Variants in CNTNAP2 observed in about 807,000 individuals in gnomAD.
CNTNAP2 encodes contactin associated protein 2, also known as contactin-associated protein-like 2.
A neutral mutation model predicts 155.2 loss-of-function variants in CNTNAP2; 98 were observed. The ratio of observed to expected loss-of-function variants is 0.63; its 90% CI spans 0.54 to 0.75. The LOEUF (loss-of-function observed/expected upper bound fraction) is 0.75. Ranked by LOEUF, CNTNAP2 falls within the 30% of genes least tolerant of loss-of-function variation. The pLI is 0.00. For synonymous variants in CNTNAP2, 651 were observed against 631.2 expected (o/e 1.03, Z -0.47); for missense variants, 1,727 against 1,688.1 (o/e 1.02, Z -0.40).
intron 1 of CNTNAP2, among the ~76,000 whole-genome samples, chr7:146,651,022 T>G (rs1799902359): frequency 7.1e-6 from 1 of 140,178 alleles, no homozygotes; most frequent in African/African-American, 3.0e-5. Context: ...CATAGTGAAT[T>G]TTTTTTTTTT....
At chr7:147,949,136 G>A (rs1423058312) in intron 14 of CNTNAP2, among the ~76,000 whole-genome samples, 1 of 151,814 alleles carries the variant, frequency 6.6e-6, no homozygotes, top group Non-Finnish European at 1.5e-5. Flanking sequence ...AAGAGGCGGA[G>A]GTTGCAGTGA....
intron 8 of CNTNAP2, among the ~76,000 whole-genome samples, chr7:147,233,984 G>T (rs1584808887): frequency 6.7e-6 from 1 of 150,314 alleles, no homozygotes; most frequent in African/African-American, 2.4e-5. Flanking sequence ...GTTTCCCAGG[G>T]GTTGCTTTGT....
intron 5 of CNTNAP2, among the ~76,000 whole-genome samples, chr7:147,114,785 A>C (rs1800952680): frequency 6.6e-6 from 1 of 152,088 alleles, no homozygotes; most frequent in Non-Finnish European, 1.5e-5. Flanking sequence ...TGTGTCTTTT[A>C]ACTGGGGCAT....
rs111597360 is a variant in CNTNAP2, at chr7:148,293,894, T to A, written c.3475+26768T>A. ...TACTAAAAATATGGAAATTAGCCAG[T>A]CATGGTGGCGCATTACTATAATCGC... On this transcript the variant is annotated intron_variant, in intron 21 of 23. Coordinates refer to ENST00000361727, the MANE Select transcript of CNTNAP2 (RefSeq NM_014141.6). Among the ~76,000 whole-genome samples the A allele has an allele frequency of 8.9e-3, 1,344 of 151,764 alleles. 21 individuals are homozygous for A. Among genetic ancestry groups the A allele is most frequent in the African/African-American group, 0.031 (1,284 of 41,374 alleles).
chr7:146,336,496 T>C (rs936056200), intron 1 of CNTNAP2, among the ~76,000 whole-genome samples: 1 of 151,658 alleles, frequency 6.6e-6, no homozygotes. Flanking sequence ...CAGGGCCTGC[T>C]GACATGTTCT....
chr7:147,414,059 T>C (rs1013196152), intron 10 of CNTNAP2, among the ~76,000 whole-genome samples: 16 of 152,154 alleles, frequency 1.1e-4, no homozygotes, highest in African/African-American at 3.4e-4. Flanking sequence ...CCTGTTATCT[T>C]TGGAGTGTCA....
chr7:146,483,280 AAAATATATATATAT>A (rs1563101563), intron 1 of CNTNAP2, among the ~76,000 whole-genome samples: 3 of 54,478 alleles, frequency 5.5e-5, no homozygotes, highest in African/African-American at 8.2e-5. Flanking sequence ...CGTCTAAAAA[AAAATATATATATAT>A]ATATATATAT....
chr7:146,819,993 G>A (rs1803245691), intron 2 of CNTNAP2, among the ~76,000 whole-genome samples: 1 of 152,244 alleles, frequency 6.6e-6, no homozygotes, highest in Non-Finnish European at 1.5e-5. Context: ...TATTCTTGAT[G>A]TAGCAGTTAT....
At chr7:146,826,439 T>C (rs1803401850) in intron 2 of CNTNAP2, among the ~76,000 whole-genome samples, 1 of 152,142 alleles carries the variant, frequency 6.6e-6, no homozygotes, top group South Asian at 2.1e-4. Context: ...CTCAGCCAGC[T>C]TCCCGGGTCC....
intron 1 of CNTNAP2, among the ~76,000 whole-genome samples, chr7:146,166,933 C>T (rs989276056): frequency 5.9e-5 from 9 of 152,226 alleles, no homozygotes; most frequent in South Asian, 2.1e-4. Context: ...AAAAGAAGTC[C>T]GAAACCACAT....
chr7:146,794,106 A>G (rs1047972084), intron 2 of CNTNAP2, among the ~76,000 whole-genome samples: 3 of 152,170 alleles, frequency 2.0e-5, no homozygotes, highest in African/African-American at 7.2e-5. Context: ...GATTGACTCA[A>G]AGCATTAGAC....
chr7:146,839,745 T>C lies in CNTNAP2; in HGVS notation c.243T>C (p.His81=). 6.2e-7 allele frequency: 1 copy of C among 1,614,222 alleles called. No homozygotes were observed. Among genetic ancestry groups the C allele is most frequent in the Non-Finnish European group, 8.5e-7 (1 of 1,180,042 alleles). ...GATGGTCTCCATCAGACAGCGACCATTATCAATGGCTTCAGGTTGACTTTG... is the reference window on the plus strand; with the variant it reads ...GATGGTCTCCATCAGACAGCGACCACTATCAATGGCTTCAGGTTGACTTTG... ...AGGWSPSDSD[H]YQWLQVDFGN... is the part of the protein sequence containing the mutation. Residue 81 remains histidine (H), a synonymous_variant, in exon 3 of 24, where the codon CAT becomes CAC. Transcript: ENST00000361727.
intron 8 of CNTNAP2, among the ~76,000 whole-genome samples, chr7:147,260,756 G>A (rs1804445260): frequency 6.6e-6 from 1 of 152,130 alleles, no homozygotes; most frequent in Non-Finnish European, 1.5e-5. Flanking sequence ...GTTGAGAGGT[G>A]TAACCAATGG....
intron 3 of CNTNAP2, among the ~76,000 whole-genome samples, chr7:146,957,670 ACAGTC>A (rs2129229543): frequency 6.6e-6 from 1 of 152,254 alleles, no homozygotes. Context: ...AGAGCCTTTG[ACAGTC>A]ATTGAAAAAG....
intron 1 of CNTNAP2, among the ~76,000 whole-genome samples, chr7:146,573,177 T>A (rs1265022019): frequency 1.3e-5 from 2 of 152,150 alleles, no homozygotes; most frequent in African/African-American, 4.8e-5. Context: ...AGAGTCTCGC[T>A]CTGTCTCCAG....
At chr7:146,999,526 T>A (rs545702786) in intron 3 of CNTNAP2, among the ~76,000 whole-genome samples, 1 of 152,054 alleles carries the variant, frequency 6.6e-6, no homozygotes, top group Non-Finnish European at 1.5e-5. Context: ...TACTCACTGG[T>A]GTCCTTTCCT....
chr7:147,510,037 C>T (rs1472653368), intron 11 of CNTNAP2, among the ~76,000 whole-genome samples: 3 of 152,040 alleles, frequency 2.0e-5, no homozygotes, highest in Non-Finnish European at 2.9e-5. Flanking sequence ...GGCACCATCC[C>T]TTCTGATTCA....
chr7:148,393,611 G>C (rs981448143), intron 22 of CNTNAP2, among the ~76,000 whole-genome samples: 1 of 152,140 alleles, frequency 6.6e-6, no homozygotes, highest in Admixed American at 6.5e-5. Context: ...TGATTTTGTT[G>C]AGTCAAAGGA....
At chr7:148,089,812 A>G (rs1231408496) in intron 15 of CNTNAP2, among the ~76,000 whole-genome samples, 1 of 151,934 alleles carries the variant, frequency 6.6e-6, no homozygotes, top group Non-Finnish European at 1.5e-5. Context: ...GAACCACAAA[A>G]GACCCTAAAT....
Sources: allele counts gnomAD v4.1 joint callset (sites outside exome capture counted in the v4.1 genomes callset), GRCh38; gene constraint gnomAD v4.1.1; transcripts MANE v1.5; gene names NCBI Gene and HGNC (gene_info 2026-07-23, HGNC 2026-07-21).